The following MAN2B2 variants were observed in gnomAD, a reference collection of about 807,000 sequenced individuals.
MAN2B2 encodes the protein epididymis-specific alpha-mannosidase.
A neutral mutation model predicts 117.1 loss-of-function variants in MAN2B2; 106 were observed. The observed-to-expected ratio is 0.90, with a 90% CI of 0.77 to 1.06. The LOEUF is 1.06. MAN2B2 is among the 50% of genes least tolerant of loss of function. MAN2B2 has a pLI of 0.00. For synonymous variants in MAN2B2, 544 were observed against 595.1 expected (o/e 0.91, Z 1.25); for missense variants, 1,326 against 1,381.4 (o/e 0.96, Z 0.64).
At chr4:6,591,907 C>T (rs1174831517) in intron 5 of MAN2B2, among the ~76,000 whole-genome samples, 34 of 152,232 alleles carry the variant, frequency 2.2e-4, no homozygotes, top group Non-Finnish European at 7.3e-5. Context: ...CTCACAGACC[C>T]TCGCAGCAGC....
chr4:6,611,415 C>A, intron 15 of MAN2B2, 137 bp downstream of exon 15: 1 of 836,578 alleles, frequency 1.2e-6, no homozygotes, highest in Non-Finnish European at 1.8e-6. Context: ...ACCTCTAGCC[C>A]AAGCCCCTCA....
chr4:6,604,842 G>A (rs554164119), intron 10 of MAN2B2, among the ~76,000 whole-genome samples: 1 of 152,180 alleles, frequency 6.6e-6, no homozygotes, highest in African/African-American at 2.4e-5. Context: ...GGGACCCCAA[G>A]AACCAGCTAT....
chr4:6,608,358 G>A (rs1727627787), intron 11 of MAN2B2, among the ~76,000 whole-genome samples: 1 of 152,138 alleles, frequency 6.6e-6, no homozygotes, highest in South Asian at 2.1e-4. Flanking sequence ...CAGAGAAGTG[G>A]GTGCAGAGGC....
chr4:6,611,308 A>G (rs1247337032), intron 15 of MAN2B2, 30 bp downstream of exon 15: 3 of 1,566,032 alleles, frequency 1.9e-6, no homozygotes, highest in South Asian at 2.4e-5. Flanking sequence ...GAGTAACATC[A>G]TCACTGCCTC....
At chr4:6,605,016 A>G in intron 10 of MAN2B2, 39 bp from the exon 11 acceptor site, 9 of 1,590,260 alleles carry the variant, frequency 5.7e-6, no homozygotes, top group Non-Finnish European at 7.7e-6. Flanking sequence ...AAAGTGTGAG[A>G]GCTGACAGTT....
rs537065838 is a variant in MAN2B2, at chr4:6,579,065, A to C, written c.391+567A>C. Among the ~76,000 whole-genome samples the C allele has an allele frequency of 2.8e-3, 266 of 95,922 alleles. 2 individuals carry two copies. The highest frequency in any genetic ancestry group is 4.5e-3 in the Non-Finnish European group (221 of 49,542). 62.9% of individuals were successfully genotyped at this position (95,922 alleles called of 152,430 possible). On this transcript the variant is annotated intron_variant, in intron 3 of 18. Coordinates refer to ENST00000285599, the MANE Select transcript of MAN2B2 (RefSeq NM_015274.3). ...CATCACCACCATCACCACCACCATC[A>C]CCATCACCACCACCACCACCATCAC...
At chr4:6,586,953 GGCCC>G (rs1219816870) in intron 3 of MAN2B2, 39 bp from the exon 4 acceptor site, 1 of 1,584,286 alleles carries the variant, frequency 6.3e-7, no homozygotes, top group Admixed American at 1.7e-5. Flanking sequence ...GGGAGGCACA[GGCCC>G]GCCCTCCAGG....
intron 3 of MAN2B2, among the ~76,000 whole-genome samples, chr4:6,579,876 G>A (rs1726362174): frequency 6.6e-6 from 1 of 152,210 alleles, no homozygotes; most frequent in South Asian, 2.1e-4. Context: ...CTAATGGCGG[G>A]CTGATGGTGA....
At chr4:6,581,482 C>A (rs12649143) in intron 3 of MAN2B2, among the ~76,000 whole-genome samples, 50,074 of 151,856 alleles carry the variant, frequency 0.33, 9,423 homozygotes, top group East Asian at 0.6. Context: ...AGGGCGGGGG[C>A]AGAGTGTGTG....
At chr4:6,584,354 A>T (rs980991936) in intron 3 of MAN2B2, among the ~76,000 whole-genome samples, 3 of 152,248 alleles carry the variant, frequency 2.0e-5, no homozygotes, top group Non-Finnish European at 4.4e-5. Context: ...TCCAGCCATC[A>T]TGTTACCAGA....
chr4:6,594,658 AC>A lies in MAN2B2; in HGVS notation c.984del (p.Phe329SerfsTer40), dbSNP rs3216941. 2.9e-4 allele frequency: 462 copies of A among 1,613,444 alleles called. 4 individuals carry two copies. The East Asian group carries it at 9.6e-3, about 34-fold the overall frequency. On this transcript the variant is annotated frameshift_variant, in exon 7 of 19. Coordinates refer to ENST00000285599, the MANE Select transcript of MAN2B2 (RefSeq NM_015274.3). LOFTEE classifies it high-confidence loss of function. ...VSVQYATLGD[Y>X]FRALHALNVT... ...GTGCAGTATGCCACGCTGGGCGACT[AC>A]TTCCGTGCCCTGCACGCTCTCAATG...
chr4:6,609,247 T>C lies in MAN2B2; in HGVS notation c.1955T>C (p.Met652Thr), dbSNP rs773431182. ...AAVPAWEAVE[M>T]EIVAGQLVTE... The stretch of plus-strand genomic sequence containing the variant: ...GTGCCTGCGTGGGAAGCTGTGGAAA[T>C]GGAGATTGTGGCGGGACAGCTTGTG... The change falls in exon 12 of 19, where the codon ATG (methionine) becomes ACG (threonine). Residue 652 changes from methionine to threonine, a missense_variant. Met to Thr is a moderately conservative substitution (Grantham distance 81, BLOSUM62 -1). Transcript: ENST00000285599. The C allele has an allele frequency of 6.2e-7, 1 of 1,614,002 alleles. No individual in the cohort carries two copies. The highest frequency in any genetic ancestry group is 8.5e-7 in the Non-Finnish European group (1 of 1,180,008).
intron 3 of MAN2B2, among the ~76,000 whole-genome samples, chr4:6,586,310 C>T (rs922509995): frequency 1.3e-5 from 2 of 152,208 alleles, no homozygotes; most frequent in African/African-American, 4.8e-5. Flanking sequence ...ATCCTCCCAC[C>T]TCAGCCTCCC....
At chr4:6,577,825 A>G (rs557746884) in intron 2 of MAN2B2, among the ~76,000 whole-genome samples, 1 of 152,346 alleles carries the variant, frequency 6.6e-6, no homozygotes, top group South Asian at 2.1e-4. Flanking sequence ...GGAGGCAGGA[A>G]TTGTTGCCTG....
chr4:6,579,078 CCACCACCAT>C (rs1560634271), intron 3 of MAN2B2, among the ~76,000 whole-genome samples: 12 of 86,452 alleles, frequency 1.4e-4, no homozygotes, highest in Non-Finnish European at 2.2e-4. Context: ...ATCACCACCA[CCACCACCAT>C]CACCATCACC....
intron 15 of MAN2B2, among the ~76,000 whole-genome samples, chr4:6,612,109 A>C (rs1711596529): frequency 6.6e-6 from 1 of 152,238 alleles, no homozygotes; most frequent in African/African-American, 2.4e-5. Flanking sequence ...TGTGCTTTTA[A>C]GGTTCTCCCT....
chr4:6,616,847 C>T (rs79367697), intron 16 of MAN2B2, among the ~76,000 whole-genome samples: 4,693 of 152,284 alleles, frequency 0.031, 111 homozygotes, highest in African/African-American at 0.059. Flanking sequence ...GACTGCCCCT[C>T]TCTGAGCCTT....
chr4:6,576,747 C>T (rs771643519), intron 2 of MAN2B2, 23 bp downstream of exon 2: 20 of 1,611,424 alleles, frequency 1.2e-5, no homozygotes, highest in Non-Finnish European at 1.6e-5. Context: ...CCAGGTGACA[C>T]AGTTGGCCCA....
Position 6,617,405 on chromosome 4 carries a change from C to G in MAN2B2, c.2727C>G (p.Asp909Glu), listed in dbSNP as rs115621290. 11 of 1,614,030 alleles carry G rather than the reference C, an allele frequency of 6.8e-6. No homozygotes were observed. Among genetic ancestry groups the G allele is most frequent in the Non-Finnish European group, 8.5e-6 (10 of 1,180,030 alleles). ...GCCATCGAGGGGAAGCCCAGGCTGA[C>G]CTCCGCCGTGTCCTGCTGCGGCTCT... is the stretch of plus-strand genomic sequence containing the variant. The part of the protein sequence containing the change: ...RKGHRGEAQA[D>E]LRRVLLRLYH... Residue 909 changes from aspartate (D) to glutamate (E), a missense_variant, in exon 17 of 19, where the codon GAC becomes GAG. Physicochemically the swap from Asp to Glu is conservative, Grantham distance 45 (BLOSUM62 2). Transcript: ENST00000285599.
Sources: gnomAD v4.1 joint callset for allele counts (sites outside exome capture counted in the v4.1 genomes callset) on GRCh38, gnomAD v4.1.1 for gene constraint, MANE v1.5 for transcripts, NCBI Gene and HGNC (gene_info 2026-07-23, HGNC 2026-07-21) for gene names.